The following KLF12 variants were observed in gnomAD, a reference collection of about 807,000 sequenced individuals.
The protein encoded by KLF12 is KLF transcription factor 12, also known as Krueppel-like factor 12.
Under a neutral mutation model 37.8 loss-of-function variants are expected in KLF12, and 9 were observed. The observed-to-expected ratio is 0.24, with a 90% CI of 0.14 to 0.42. KLF12 has a LOEUF of 0.42. Ranked by LOEUF, KLF12 falls within the 10% of genes least tolerant of loss-of-function variation. KLF12 has a pLI of 1.00. For missense variants in KLF12, 411 were observed against 516.0 expected, an observed-to-expected ratio of 0.80 and a Z score of 1.97; for synonymous variants, 208 against 202.1, an observed-to-expected ratio of 1.03 and a Z score of -0.25.
chr13:74,248,403 T>C, the KLF12 span, among the ~76,000 whole-genome samples: 3 of 152,234 alleles, frequency 2.0e-5, no homozygotes, highest in Non-Finnish European at 4.4e-5. Context: ...TAGATTTCTC[T>C]GTTGTTTGGC....
intron 2 of KLF12, among the ~76,000 whole-genome samples, chr13:73,948,701 A>G (rs890147715): frequency 1.3e-5 from 2 of 152,244 alleles, no homozygotes; most frequent in African/African-American, 2.4e-5. Context: ...ACAAACACCA[A>G]TAACAGCAAT....
intron 3 of KLF12, among the ~76,000 whole-genome samples, chr13:73,907,841 A>T (rs1286024323): frequency 6.6e-6 from 1 of 151,924 alleles, no homozygotes; most frequent in African/African-American, 2.4e-5. Flanking sequence ...CACATGATTG[A>T]CCCTCTCCCT....
chr13:74,158,309 G>C, the KLF12 span, among the ~76,000 whole-genome samples: 1 of 152,212 alleles, frequency 6.6e-6, no homozygotes, highest in African/African-American at 2.4e-5. Context: ...TTAAAGGGGG[G>C]TGTAAGATGG....
chr13:73,826,060 C>T (rs1421612919), intron 4 of KLF12, among the ~76,000 whole-genome samples: 5 of 152,032 alleles, frequency 3.3e-5, no homozygotes, highest in Non-Finnish European at 5.9e-5. Context: ...GCAAGCTCCG[C>T]CTCCTGGGTT....
At chr13:73,876,852 T>C (rs930140989) in intron 3 of KLF12, among the ~76,000 whole-genome samples, 1 of 151,776 alleles carries the variant, frequency 6.6e-6, no homozygotes, top group Middle Eastern at 3.2e-3. Flanking sequence ...CTGTCTCCAC[T>C]AAAAATACAA....
At chr13:73,739,952 T>C (rs935394215) in intron 6 of KLF12, among the ~76,000 whole-genome samples, 7 of 124,010 alleles carry the variant, frequency 5.6e-5, no homozygotes, top group African/African-American at 1.8e-4. Flanking sequence ...GTTAATTAAG[T>C]GTAACAAGAA....
the KLF12 span, among the ~76,000 whole-genome samples, chr13:74,274,549 A>G: frequency 0.25 from 38,642 of 151,978 alleles, 5,466 homozygotes; most frequent in African/African-American, 0.38. Context: ...GAGTAATAAG[A>G]TTTTACTTAT....
chr13:73,796,931 A>C (rs2325563), intron 5 of KLF12, among the ~76,000 whole-genome samples: 57,393 of 151,990 alleles, frequency 0.38, 11,047 homozygotes, highest in East Asian at 0.55. Flanking sequence ...AAGGCTGAAA[A>C]AAAAGAACAC....
intron 4 of KLF12, among the ~76,000 whole-genome samples, chr13:73,816,172 T>A (rs1883204601): frequency 6.6e-6 from 1 of 152,220 alleles, no homozygotes; most frequent in Non-Finnish European, 1.5e-5. Flanking sequence ...ATAATTCCAC[T>A]CTATTTTTAT....
Position 73,853,717 on chromosome 13 carries a change from C to T in KLF12, c.124-7344G>A, listed in dbSNP as rs1337257110. ...TTGCGCCACTGCACTCCAGCCTGGTCGACAGAGTGAGACCCTGTCTAAAAA... is the reference window on the plus strand; with the variant it reads ...TTGCGCCACTGCACTCCAGCCTGGTTGACAGAGTGAGACCCTGTCTAAAAA... On this transcript the variant is annotated intron_variant, in intron 3 of 7. Transcript: ENST00000377669. Among the ~76,000 whole-genome samples the T allele has an allele frequency of 2.2e-4, 31 of 143,652 alleles. 1 individual carries two copies. The East Asian group carries it at 6.3e-3, about 29-fold the overall frequency. The allele number at this position is 143,652 out of a possible 152,430, so 94.2% of individuals were successfully genotyped here.
intron 5 of KLF12, among the ~76,000 whole-genome samples, chr13:73,795,341 G>A (rs1327729935): frequency 6.6e-6 from 1 of 152,094 alleles, no homozygotes; most frequent in African/African-American, 2.4e-5. Context: ...TAGGTATAAT[G>A]GACACCAAAG....
chr13:73,973,662 C>T (rs2138123430), intron 2 of KLF12, among the ~76,000 whole-genome samples: 1 of 151,920 alleles, frequency 6.6e-6, no homozygotes, highest in African/African-American at 2.4e-5. Context: ...ATCTGCCCAG[C>T]AAGACAAGGT....
intron 1 of KLF12, among the ~76,000 whole-genome samples, chr13:74,007,103 T>G (rs1290931033): frequency 1.3e-5 from 2 of 152,116 alleles, no homozygotes; most frequent in African/African-American, 4.8e-5. Flanking sequence ...TCTCCTCACG[T>G]AGACACAAGT....
the KLF12 span, among the ~76,000 whole-genome samples, chr13:74,239,272 G>C: frequency 5.4e-4 from 82 of 152,074 alleles, no homozygotes; most frequent in African/African-American, 1.5e-3. Flanking sequence ...TCTTAATCCT[G>C]AGTCCTAGTT....
chr13:74,189,328 A>G, the KLF12 span, among the ~76,000 whole-genome samples: 1 of 152,226 alleles, frequency 6.6e-6, no homozygotes, highest in Non-Finnish European at 1.5e-5. Flanking sequence ...CAAGAAAAAC[A>G]CATTGTAGAT....
At chr13:74,210,459 T>A in the KLF12 span, among the ~76,000 whole-genome samples, 1 of 152,304 alleles carries the variant, frequency 6.6e-6, no homozygotes, top group African/African-American at 2.4e-5. Context: ...AAATCTACAT[T>A]AAGTCACTGG....
At chr13:73,944,113 T>G (rs747636108) in intron 2 of KLF12, 43 bp from the exon 3 acceptor site, 2 of 1,217,964 alleles carry the variant, frequency 1.6e-6, no homozygotes, top group South Asian at 2.4e-5. Context: ...TCTAAAGCAT[T>G]CAAAAGAGGA....
the KLF12 span, among the ~76,000 whole-genome samples, chr13:74,245,341 C>CT: frequency 1.3e-5 from 2 of 148,790 alleles, no homozygotes; most frequent in East Asian, 2.0e-4. Context: ...ATCTATCTAT[C>CT]ATCTACAACA....
intron 6 of KLF12, among the ~76,000 whole-genome samples, chr13:73,736,820 T>C (rs922099900): frequency 6.6e-6 from 1 of 152,152 alleles, no homozygotes; most frequent in Non-Finnish European, 1.5e-5. Flanking sequence ...AAATGGAGTA[T>C]TGATGCTCAC....
Sources: allele counts gnomAD v4.1 joint callset (sites outside exome capture counted in the v4.1 genomes callset), GRCh38; gene constraint gnomAD v4.1.1; transcripts MANE v1.5; gene names NCBI Gene and HGNC (gene_info 2026-07-23, HGNC 2026-07-21).